RASGEF1C: variants seen among roughly 807,000 people sequenced by gnomAD.
RASGEF1C encodes ras-GEF domain-containing family member 1C.
In RASGEF1C, 27 loss-of-function variants were observed where a neutral mutation model predicts 58.1. The observed-to-expected ratio is 0.46, with a 90% CI of 0.34 to 0.64. The LOEUF is 0.64. Ranked by LOEUF, RASGEF1C falls within the 30% of genes least tolerant of loss-of-function variation. The probability of loss-of-function intolerance (pLI) is 0.01; values close to 1 mark genes in which losing one functional copy is unlikely to be tolerated. For synonymous variants in RASGEF1C, 243 were observed against 246.3 expected (o/e 0.99, Z 0.13); for missense variants, 502 against 605.1 (o/e 0.83, Z 1.79).
chr5:180,137,960 C>T lies in RASGEF1C; in HGVS notation c.93G>A (p.Gln31=). The T allele has an allele frequency of 6.2e-7, 1 of 1,607,140 alleles. No homozygotes were observed. Among genetic ancestry groups the T allele is most frequent in the Non-Finnish European group, 8.5e-7 (1 of 1,177,774 alleles). ...AGGATGGCGCTCCATCCAGGAGGGG[C>T]TGCCCAGCCTGTTCGCCATCTGTGG... is the stretch of plus-strand genomic sequence containing the variant. ...TEPTDGEQAG[Q]PLLDGAPSSA... Residue 31 remains glutamine, a synonymous_variant, in exon 2 of 14, where the codon CAG becomes CAA. Coordinates refer to ENST00000361132, the MANE Select transcript of RASGEF1C (RefSeq NM_175062.4). The surrounding 1 kb of genome is among the most constrained non-coding windows in gnomAD (Gnocchi z 4.1).
At chr5:180,162,364 A>G (rs1766957083) in intron 1 of RASGEF1C, among the ~76,000 whole-genome samples, 1 of 152,248 alleles carries the variant, frequency 6.6e-6, no homozygotes, top group Non-Finnish European at 1.5e-5. Flanking sequence ...TCCCAGAGGG[A>G]GGACATTTGC....
intron 1 of RASGEF1C, among the ~76,000 whole-genome samples, chr5:180,173,343 A>G (rs556122830): frequency 2.4e-4 from 37 of 152,072 alleles, no homozygotes; most frequent in African/African-American, 8.4e-4. Context: ...CCTCTGCCCC[A>G]CCTAAGCCTG....
intron 6 of RASGEF1C, among the ~76,000 whole-genome samples, chr5:180,121,821 G>A (rs1766182086): frequency 1.3e-5 from 2 of 152,176 alleles, no homozygotes; most frequent in African/African-American, 2.4e-5. Flanking sequence ...ATGAGCGTCC[G>A]CAAGCATCTC....
At chr5:180,174,320 G>C (rs1052530263) in intron 1 of RASGEF1C, among the ~76,000 whole-genome samples, 1 of 152,164 alleles carries the variant, frequency 6.6e-6, no homozygotes, top group Admixed American at 6.5e-5. Context: ...ATAAAACAAA[G>C]AAACATACTG....
chr5:180,139,532 A>G (rs1207556097), intron 1 of RASGEF1C, among the ~76,000 whole-genome samples: 6 of 152,112 alleles, frequency 3.9e-5, no homozygotes, highest in African/African-American at 1.4e-4. Context: ...AGGTGCTGGG[A>G]CTGGGTTACA....
chr5:180,104,038 G>T (rs78871387), intron 12 of RASGEF1C, among the ~76,000 whole-genome samples: 4 of 152,074 alleles, frequency 2.6e-5, no homozygotes, highest in African/African-American at 7.2e-5. Flanking sequence ...TAGTCATGAC[G>T]TATAATTATT....
At chr5:180,149,999 T>C (rs1019262162) in intron 1 of RASGEF1C, among the ~76,000 whole-genome samples, 2 of 152,196 alleles carry the variant, frequency 1.3e-5, no homozygotes, top group African/African-American at 4.8e-5. Flanking sequence ...TCTGGGACTC[T>C]CACAAAGTGT....
chr5:180,190,031 C>T (rs1756118854), intron 1 of RASGEF1C, among the ~76,000 whole-genome samples: 1 of 150,998 alleles, frequency 6.6e-6, no homozygotes, highest in Non-Finnish European at 1.5e-5. Context: ...CCATTCTTCC[C>T]ACCAAAGGCA....
intron 11 of RASGEF1C, 131 bp downstream of exon 11, chr5:180,114,315 A>G: frequency 1.3e-6 from 1 of 758,624 alleles, no homozygotes; most frequent in Non-Finnish European, 2.1e-6. Flanking sequence ...TAACCTTGCC[A>G]AGGTCGGCTG....
intron 1 of RASGEF1C, among the ~76,000 whole-genome samples, chr5:180,163,231 C>CTTT (rs1220517606): frequency 7.2e-4 from 14 of 19,476 alleles, no homozygotes; most frequent in African/African-American, 1.6e-3. Flanking sequence ...CACCCCCTCA[C>CTTT]TTTTTTTTTT....
intron 6 of RASGEF1C, among the ~76,000 whole-genome samples, chr5:180,127,135 G>C (rs1283106509): frequency 6.6e-6 from 1 of 152,164 alleles, no homozygotes; most frequent in Non-Finnish European, 1.5e-5. Context: ...GGGTGCGTGG[G>C]CTGTGTCCTG....
chr5:180,179,081 G>A (rs535390505), intron 1 of RASGEF1C, among the ~76,000 whole-genome samples: 5 of 152,276 alleles, frequency 3.3e-5, no homozygotes, highest in East Asian at 3.9e-4. Context: ...AGTGAAGAAC[G>A]GGCTGGGGCT....
At chr5:180,101,729 G>T (rs1047751838) in intron 13 of RASGEF1C, among the ~76,000 whole-genome samples, 2 of 152,196 alleles carry the variant, frequency 1.3e-5, no homozygotes, top group Non-Finnish European at 2.9e-5. Context: ...GTGTTAACAC[G>T]CCGAGCAAGA....
intron 1 of RASGEF1C, among the ~76,000 whole-genome samples, chr5:180,173,785 C>A (rs376085201): frequency 3.9e-5 from 6 of 152,056 alleles, no homozygotes; most frequent in Middle Eastern, 3.4e-3. Flanking sequence ...TGGTGGTGGG[C>A]GCCTGTAATC....
At chr5:180,205,869 A>G (rs1265018117) in intron 1 of RASGEF1C, among the ~76,000 whole-genome samples, 3 of 152,086 alleles carry the variant, frequency 2.0e-5, no homozygotes, top group Non-Finnish European at 4.4e-5. Context: ...AGTAGCTGGG[A>G]TTACAGGCAT....
chr5:180,206,083 A>C (rs1756483641), intron 1 of RASGEF1C, among the ~76,000 whole-genome samples: 2 of 152,134 alleles, frequency 1.3e-5, no homozygotes, highest in Admixed American at 1.3e-4. Flanking sequence ...TTTCACCAGT[A>C]TGTGAACAGA....
chr5:180,154,781 C>T (rs1005338749), intron 1 of RASGEF1C, among the ~76,000 whole-genome samples: 1 of 152,054 alleles, frequency 6.6e-6, no homozygotes, highest in Non-Finnish European at 1.5e-5. Context: ...CAGGGTTTCA[C>T]TGTGTTAGCC....
chr5:180,165,750 C>CTTTTTTT (rs372734323), intron 1 of RASGEF1C, among the ~76,000 whole-genome samples: 1 of 107,370 alleles, frequency 9.3e-6, no homozygotes, highest in African/African-American at 3.4e-5. Flanking sequence ...TTAATTTTTC[C>CTTTTTTT]TTTTTTTTTT....
chr5:180,126,520 G>A (rs1446510691), intron 6 of RASGEF1C, among the ~76,000 whole-genome samples: 1 of 152,164 alleles, frequency 6.6e-6, no homozygotes, highest in Non-Finnish European at 1.5e-5. Flanking sequence ...CAACATACAT[G>A]GTTTTGTGTT....
Sources: allele counts gnomAD v4.1 joint callset (sites outside exome capture counted in the v4.1 genomes callset), GRCh38; gene constraint gnomAD v4.1.1; non-coding constraint Gnocchi (gnomAD v3.1); transcripts MANE v1.5; gene names NCBI Gene and HGNC (gene_info 2026-07-23, HGNC 2026-07-21).